Variants in NOL10 observed in about 807,000 individuals in gnomAD.
NOL10 encodes the protein H_NH0074G24.1.
In NOL10, 58 loss-of-function variants were observed where a neutral mutation model predicts 103.5. That is an observed-to-expected ratio of 0.56 (90% CI 0.45 to 0.70). The LOEUF (loss-of-function observed/expected upper bound fraction) is 0.70, where lower values mean the gene tolerates loss of function less well. NOL10 is among the 30% of genes least tolerant of loss of function. The pLI is 0.00. For missense variants in NOL10, 763 were observed against 807.3 expected, an observed-to-expected ratio of 0.95 and a Z score of 0.67; for synonymous variants, 287 against 282.5, an observed-to-expected ratio of 1.02 and a Z score of -0.16.
At chr2:10,617,413 G>A (rs763098307) in intron 13 of NOL10, among the ~76,000 whole-genome samples, 26 of 152,302 alleles carry the variant, frequency 1.7e-4, no homozygotes, top group African/African-American at 5.1e-4. Context: ...GTTCGGCAAC[G>A]AGCAGAGACT....
chr2:10,607,269 A>G lies in NOL10; in HGVS notation c.1069T>C (p.Leu357=), dbSNP rs1558285811. Residue 357 remains leucine, a synonymous_variant, in exon 14 of 21, where the codon TTG becomes CTG. Transcript: ENST00000381685. ...GGATTCTCTTCTAATTCTTCGGTCA[A>G]GTTGTCTAAGAAGGAACACCACCGA... ...APRWCSFLDN[L]TEELEENPES... The G allele has an allele frequency of 3.1e-6, 5 of 1,609,688 alleles. No individual in the cohort carries two copies. The highest frequency in any genetic ancestry group is 4.2e-6 in the Non-Finnish European group (5 of 1,177,820).
At chr2:10,644,159 A>C (rs1489208883) in intron 13 of NOL10, among the ~76,000 whole-genome samples, 161 bp downstream of exon 13, 1 of 152,150 alleles carries the variant, frequency 6.6e-6, no homozygotes, top group Non-Finnish European at 1.5e-5. Context: ...GAGGTAGGAG[A>C]ATCACTTGAA....
At chr2:10,589,379 G>T in intron 18 of NOL10, 89 bp from the exon 19 acceptor site, 1 of 1,531,016 alleles carries the variant, frequency 6.5e-7, no homozygotes, top group Non-Finnish European at 8.8e-7. Flanking sequence ...GCCCATTAAT[G>T]AGTGCCTAAC....
At position 10,589,048 on chromosome 2, in the gene NOL10, C is replaced by T. The variant is rs1572244388; in HGVS notation, c.1839G>A (p.Leu613=). The change falls in exon 19 of 21, where the codon CTG becomes CTA. Residue 613 remains leucine, a synonymous_variant. Coordinates refer to ENST00000381685, the MANE Select transcript of NOL10 (RefSeq NM_024894.4). ...SFKDSATKQK[L]MNKTLEDRLK... is the part of the protein sequence containing the mutation. ...GCTCAGGCAGTGCTACTCACTTCATCAGTTTCTGCTTTGTGGCAGAATCTT... is the reference window on the plus strand; with the variant it reads ...GCTCAGGCAGTGCTACTCACTTCATTAGTTTCTGCTTTGTGGCAGAATCTT... The T allele has an allele frequency of 6.2e-7, 1 of 1,613,824 alleles. No homozygotes were observed. The highest frequency in any genetic ancestry group is 2.2e-5 in the East Asian group (1 of 44,888).
At chr2:10,675,287 AGT>A (rs1681227550) in intron 4 of NOL10, among the ~76,000 whole-genome samples, 1 of 152,090 alleles carries the variant, frequency 6.6e-6, no homozygotes, top group Non-Finnish European at 1.5e-5. Context: ...GGTGGAGGTG[AGT>A]GTGTGATGAG....
intron 3 of NOL10, among the ~76,000 whole-genome samples, chr2:10,678,733 A>T (rs1681505378): frequency 6.6e-6 from 1 of 152,224 alleles, no homozygotes; most frequent in Non-Finnish European, 1.5e-5. Context: ...AAGTAGGGAT[A>T]GATACCGAGA....
intron 13 of NOL10, among the ~76,000 whole-genome samples, chr2:10,629,833 G>C (rs1292856628): frequency 1.3e-5 from 2 of 152,178 alleles, no homozygotes; most frequent in African/African-American, 4.8e-5. Context: ...TGCTCAACAT[G>C]ATATTCCCTT....
chr2:10,660,573 C>A (rs1412550490), intron 9 of NOL10, among the ~76,000 whole-genome samples: 2 of 152,156 alleles, frequency 1.3e-5, no homozygotes, highest in Admixed American at 6.5e-5. Flanking sequence ...CTGCCTTGGC[C>A]TCCCAAAGTG....
At chr2:10,651,584 C>T (rs1213979730) in intron 12 of NOL10, among the ~76,000 whole-genome samples, 1 of 152,062 alleles carries the variant, frequency 6.6e-6, no homozygotes, top group East Asian at 1.9e-4. Flanking sequence ...CAGTACATGT[C>T]AATGCCCACG....
At position 10,682,058 on chromosome 2, in the gene NOL10, T is replaced by C. The variant is rs1681798881; in HGVS notation, c.124A>G (p.Arg42Gly). ...TCAAAGTCCTGAATAAGTTCAATTC[T>C]CCTACGGACATCTAAAAAGAGAGAA... ...LQKKDVDVRR[R>G]IELIQDFEMP... The change falls in exon 3 of 21, where the codon AGA becomes GGA. Residue 42 changes from arginine (R) to glycine (G), a missense_variant. Coordinates refer to ENST00000381685, the MANE Select transcript of NOL10 (RefSeq NM_024894.4). 6.7e-7 allele frequency: 1 copy of C among 1,483,332 alleles called. No individual in the cohort carries two copies. Among genetic ancestry groups the C allele is most frequent in the Non-Finnish European group, 9.0e-7 (1 of 1,107,864 alleles). 91.9% of individuals were successfully genotyped at this position (1,483,332 alleles called of 1,614,324 possible).
At chr2:10,651,617 G>A (rs1558323311) in intron 12 of NOL10, among the ~76,000 whole-genome samples, 1 of 151,948 alleles carries the variant, frequency 6.6e-6, no homozygotes, top group Non-Finnish European at 1.5e-5. Flanking sequence ...CTACCAAACT[G>A]TACAGCCCAA....
intron 13 of NOL10, among the ~76,000 whole-genome samples, chr2:10,642,866 C>T (rs1678803346): frequency 6.6e-6 from 1 of 152,160 alleles, no homozygotes; most frequent in South Asian, 2.1e-4. Flanking sequence ...GCTCCCACCA[C>T]AGTACCCTGG....
At chr2:10,638,242 G>T (rs1678403451) in intron 13 of NOL10, among the ~76,000 whole-genome samples, 1 of 151,788 alleles carries the variant, frequency 6.6e-6, no homozygotes, top group South Asian at 2.1e-4. Context: ...TTATGATCAC[G>T]TCACTGCACT....
Position 10,675,868 on chromosome 2 carries a change from G to T in NOL10, c.215C>A (p.Thr72Lys). 6.4e-7 allele frequency: 1 copy of T among 1,552,614 alleles called. No individual in the cohort carries two copies. The highest frequency in any genetic ancestry group is 8.8e-7 in the Non-Finnish European group (1 of 1,141,674). Residue 72 changes from threonine (T) to lysine (K), a missense_variant, in exon 4 of 21, where the codon ACA (threonine) becomes AAA (lysine). By Grantham distance (78) the Thr-to-Lys change is moderately conservative. Transcript: ENST00000381685. ...KDGQYILATGTYKPRVRCYDT... is the reference protein window; with the variant it reads ...KDGQYILATGKYKPRVRCYDT... The stretch of plus-strand genomic sequence containing the variant: ...ATAACATCGAACCCGAGGTTTATAT[G>T]TTCCTACAAAAAATTAATGTGATGT...
At chr2:10,666,022 A>G (rs1272247964) in intron 8 of NOL10, among the ~76,000 whole-genome samples, 1 of 151,882 alleles carries the variant, frequency 6.6e-6, no homozygotes, top group Admixed American at 6.6e-5. Flanking sequence ...TTAGTTTTCA[A>G]CCCTTGCCTC....
chr2:10,598,525 T>C (rs1485311227), intron 17 of NOL10, among the ~76,000 whole-genome samples: 3 of 152,192 alleles, frequency 2.0e-5, no homozygotes, highest in Non-Finnish European at 4.4e-5. Context: ...GACCACGTAA[T>C]GGTGAACCTC....
chr2:10,603,063 T>C lies in NOL10; in HGVS notation c.1233+15A>G, dbSNP rs1382672290. 1.3e-6 allele frequency: 2 copies of C among 1,581,416 alleles called. No individual in the cohort carries two copies. The highest frequency in any genetic ancestry group is 3.5e-5 in the Admixed American group (2 of 57,310). On this transcript the variant is annotated intron_variant, in intron 15 of 20. Transcript: ENST00000381685. ...TTAGTTACCTGAAACATAATAACTG[T>C]AGTTTTCTGTTTACCTTGTGATAGA...
chr2:10,683,046 G>A (rs1365548069), intron 2 of NOL10, among the ~76,000 whole-genome samples: 1 of 152,162 alleles, frequency 6.6e-6, no homozygotes, highest in Admixed American at 6.5e-5. Flanking sequence ...GCCTTCCAAA[G>A]TGCTGGGATT....
chr2:10,607,326 G>A lies in NOL10; in HGVS notation c.1027-15C>T, dbSNP rs1676313613. On this transcript the variant is annotated splice_polypyrimidine_tract_variant and intron_variant, in intron 13 of 20. Transcript: ENST00000381685. ...GGACCCAAAACCTGTTGGTGTTTAT[G>A]AGAAGGTCAGCAAAGGCACAGTTTA... 6.3e-7 allele frequency: 1 copy of A among 1,591,008 alleles called. No individual in the cohort carries two copies. Among genetic ancestry groups the A allele is most frequent in the Non-Finnish European group, 8.5e-7 (1 of 1,171,858 alleles).
Sources: gnomAD v4.1 joint callset for allele counts (sites outside exome capture counted in the v4.1 genomes callset) on GRCh38, gnomAD v4.1.1 for gene constraint, MANE v1.5 for transcripts, NCBI Gene and HGNC (gene_info 2026-07-23, HGNC 2026-07-21) for gene names.